Variants in PITPNM3 observed in about 807,000 individuals in gnomAD.
PITPNM3 encodes the protein PITPNM family member 3, also known as membrane-associated phosphatidylinositol transfer protein 3.
In PITPNM3, 26 loss-of-function variants were observed where a neutral mutation model predicts 102.0. The observed-to-expected ratio is 0.25, with a 90% CI of 0.19 to 0.35. The LOEUF is 0.35. Among genes scored for constraint, PITPNM3 ranks in the 10% least tolerant of loss-of-function variants. PITPNM3 has a pLI of 1.00. For missense variants in PITPNM3, 1,083 were observed against 1,346.1 expected, an observed-to-expected ratio of 0.80 and a Z score of 3.06; for synonymous variants, 578 against 558.6, an observed-to-expected ratio of 1.03 and a Z score of -0.49.
chr17:6,493,323 G>T (rs1906607768), intron 4 of PITPNM3, among the ~76,000 whole-genome samples: 1 of 152,220 alleles, frequency 6.6e-6, no homozygotes, highest in Non-Finnish European at 1.5e-5. Context: ...ATAGAAAGGG[G>T]CTCAGGAGGT....
intron 2 of PITPNM3, among the ~76,000 whole-genome samples, chr17:6,534,540 C>T (rs1381668469): frequency 6.6e-6 from 1 of 152,196 alleles, no homozygotes; most frequent in Non-Finnish European, 1.5e-5. Flanking sequence ...AGGGAAAGGG[C>T]TGACCTGGAC....
intron 1 of PITPNM3, among the ~76,000 whole-genome samples, chr17:6,549,181 A>C (rs548610190): frequency 1.4e-3 from 206 of 152,234 alleles, no homozygotes; most frequent in African/African-American, 4.9e-3. Flanking sequence ...TGCTTTCCAG[A>C]GGCAGATGCA....
chr17:6,484,792 T>C (rs1030052058), intron 4 of PITPNM3, among the ~76,000 whole-genome samples: 22 of 152,056 alleles, frequency 1.4e-4, no homozygotes, highest in African/African-American at 1.9e-4. Context: ...TGGGAAGAGG[T>C]TGGCATTTGA....
At chr17:6,520,545 C>T (rs1194919043) in intron 3 of PITPNM3, among the ~76,000 whole-genome samples, 1 of 152,158 alleles carries the variant, frequency 6.6e-6, no homozygotes, top group Non-Finnish European at 1.5e-5. Context: ...CTAATACCAT[C>T]GACCTCTAGA....
intron 3 of PITPNM3, among the ~76,000 whole-genome samples, chr17:6,505,518 C>T (rs541204997): frequency 2.6e-5 from 4 of 152,148 alleles, no homozygotes; most frequent in African/African-American, 4.8e-5. Flanking sequence ...ATAGGATGGA[C>T]GCAGACTGTT....
chr17:6,481,894 AGAGAG>A (rs1905718471), intron 6 of PITPNM3: 3 of 112,288 alleles, frequency 2.7e-5, no homozygotes, highest in Non-Finnish European at 5.4e-5. Context: ...AGAGAGAGAG[AGAGAG>A]AATACATAGA....
At chr17:6,481,103 G>C (rs1392666490) in intron 6 of PITPNM3, 1 of 152,314 alleles carries the variant, frequency 6.6e-6, no homozygotes, top group Non-Finnish European at 1.5e-5. Context: ...TCCACCTGCA[G>C]AGAGAGCCCC....
rs1914058256 is a variant in PITPNM3, at chr17:6,455,602, C to T, written c.2661G>A (p.Glu887=). ...TCTTTGGGCGTGAGCGGTGGCTGGC[C>T]TCCAGCGCGGCCAGGTGTGCGGCGT... is the stretch of plus-strand genomic sequence containing the variant. ...EGYAAHLAAL[E]ASHRSRPKKN... Residue 887 remains glutamate, a synonymous_variant, in exon 20 of 20, where the codon GAG becomes GAA. Coordinates refer to ENST00000262483, the MANE Select transcript of PITPNM3 (RefSeq NM_031220.4). 3.1e-6 allele frequency: 5 copies of T among 1,588,022 alleles called. No homozygotes were observed. Among genetic ancestry groups the T allele is most frequent in the Non-Finnish European group, 8.5e-7 (1 of 1,176,502 alleles).
chr17:6,489,782 G>C (rs1214288592), intron 4 of PITPNM3, among the ~76,000 whole-genome samples: 1 of 152,176 alleles, frequency 6.6e-6, no homozygotes, highest in Non-Finnish European at 1.5e-5. Context: ...AAGGCAGGCA[G>C]ATCACGAGGT....
chr17:6,551,729 A>T (rs529650050), intron 1 of PITPNM3, among the ~76,000 whole-genome samples: 2 of 151,354 alleles, frequency 1.3e-5, no homozygotes, highest in East Asian at 4.0e-4. Context: ...AAAAAGTATT[A>T]AAAAAATTTT....
chr17:6,479,653 G>A (rs1905543033), intron 6 of PITPNM3: 1 of 152,316 alleles, frequency 6.6e-6, no homozygotes, highest in Non-Finnish European at 1.5e-5. Context: ...ACATCCCACT[G>A]GGACTCGACA....
chr17:6,483,386 G>C, intron 6 of PITPNM3, 131 bp downstream of exon 6: 1 of 902,406 alleles, frequency 1.1e-6, no homozygotes, highest in South Asian at 1.4e-5. Flanking sequence ...CTTGTGTTTC[G>C]TCACGATCTG....
chr17:6,463,203 T>C (rs1904559612), intron 17 of PITPNM3, among the ~76,000 whole-genome samples: 1 of 152,106 alleles, frequency 6.6e-6, no homozygotes, highest in African/African-American at 2.4e-5. Flanking sequence ...CAGGGCAGTC[T>C]CCAGCCCCCA....
At chr17:6,505,371 C>CAATCAATGGTTAATGCTAGATGCCA (rs1445007104) in intron 3 of PITPNM3, among the ~76,000 whole-genome samples, 7 of 152,014 alleles carry the variant, frequency 4.6e-5, no homozygotes, top group African/African-American at 1.2e-4. Context: ...CAGATAGAGA[C>CAATCAATGGTTAATGCTAGATGCCA]AATCAATGGT....
intron 1 of PITPNM3, among the ~76,000 whole-genome samples, chr17:6,547,740 T>G (rs1257699720): frequency 6.7e-6 from 1 of 148,602 alleles, no homozygotes; most frequent in Non-Finnish European, 1.5e-5. Flanking sequence ...TTTCTTTTCT[T>G]TTCTTTTTTT....
Position 6,507,094 on chromosome 17 carries a change from G to A in PITPNM3, c.227-3520C>T, listed in dbSNP as rs182536265. ...CTGCCTGCTCCCAGGCTCTGGCTTG[G>A]AGGGAGGCCAGCGGCTGTCCATGGG... is the stretch of plus-strand genomic sequence containing the variant. On this transcript the variant is annotated intron_variant, in intron 3 of 19. Transcript: ENST00000262483. Among the ~76,000 whole-genome samples, 875 of 152,244 alleles carry A rather than the reference G, an allele frequency of 5.7e-3. 4 individuals are homozygous for A. The highest frequency in any genetic ancestry group is 9.2e-3 in the Non-Finnish European group (627 of 68,016).
chr17:6,553,473 C>G (rs1009988383), intron 1 of PITPNM3, among the ~76,000 whole-genome samples: 1 of 152,208 alleles, frequency 6.6e-6, no homozygotes, highest in African/African-American at 2.4e-5. Context: ...ACAAGCCATG[C>G]CACAAATCTG....
At position 6,455,655 on chromosome 17, in the gene PITPNM3, AG is replaced by A; in HGVS notation, c.2620-13del. ...CCCTCGCTCAGGAACTGCGGAGGGCAGGGGAGGGCAGGGGAGGGCAGGGCAG... is the reference window on the plus strand; with the variant it reads ...CCCTCGCTCAGGAACTGCGGAGGGCAGGGAGGGCAGGGGAGGGCAGGGCAG... On this transcript the variant is annotated splice_polypyrimidine_tract_variant and intron_variant, in intron 19 of 19. Transcript: ENST00000262483. 1 of 855,328 alleles carries A rather than the reference AG, an allele frequency of 1.2e-6. No individual in the cohort carries two copies. The allele number at this position is 855,328 out of a possible 1,614,324, so 53.0% of individuals were successfully genotyped here. A position where few individuals can be genotyped will look rare whatever the true frequency, so the allele number is the denominator to read the frequency against.
Position 6,458,145 on chromosome 17 carries a change from T to C in PITPNM3, c.2491-423A>G, listed in dbSNP as rs918761422. ...TGCAGCTTGCCATGTGCCCACTGCCTCTCACTGGCTGGTGTGATGACCGCC... is the reference window on the plus strand; with the variant it reads ...TGCAGCTTGCCATGTGCCCACTGCCCCTCACTGGCTGGTGTGATGACCGCC... On this transcript the variant is annotated intron_variant, in intron 18 of 19. Transcript: ENST00000262483. The surrounding 1 kb of genome is among the most constrained non-coding windows in gnomAD (Gnocchi z 5.1). Among the ~76,000 whole-genome samples, 1 of 151,974 alleles carries C rather than the reference T, an allele frequency of 6.6e-6. No individual in the cohort carries two copies. Among genetic ancestry groups the C allele is most frequent in the African/African-American group, 2.4e-5 (1 of 41,346 alleles).
Sources: gnomAD v4.1 joint callset for allele counts (sites outside exome capture counted in the v4.1 genomes callset) on GRCh38, gnomAD v4.1.1 for gene constraint, Gnocchi (gnomAD v3.1) non-coding constraint, MANE v1.5 for transcripts, NCBI Gene and HGNC (gene_info 2026-07-23, HGNC 2026-07-21) for gene names.